Variants in EIF4G3 observed in about 807,000 individuals in gnomAD.
The protein encoded by EIF4G3 is eIF-4-gamma 3.
In EIF4G3, 34 loss-of-function variants were observed where a neutral mutation model predicts 186.4. That is an observed-to-expected ratio of 0.18 (90% CI 0.14 to 0.24). The LOEUF (loss-of-function observed/expected upper bound fraction) is 0.24. Among genes scored for constraint, EIF4G3 ranks in the 10% least tolerant of loss-of-function variants. The pLI, the probability that EIF4G3 is intolerant of heterozygous loss-of-function variation, is 1.00. For synonymous variants in EIF4G3, 673 were observed against 679.5 expected (o/e 0.99, Z 0.15); for missense variants, 1,536 against 1,948.5 (o/e 0.79, Z 3.99).
intron 12 of EIF4G3, among the ~76,000 whole-genome samples, chr1:20,962,012 A>G (rs1447763133): frequency 6.6e-6 from 1 of 152,246 alleles, no homozygotes; most frequent in Non-Finnish European, 1.5e-5. Context: ...TGTTTACATT[A>G]TACTAGGTAT....
At chr1:20,913,413 C>G (rs1009680148) in intron 14 of EIF4G3, among the ~76,000 whole-genome samples, 2 of 152,114 alleles carry the variant, frequency 1.3e-5, no homozygotes, top group Non-Finnish European at 2.9e-5. Flanking sequence ...TGGCATGTGT[C>G]TTTAGTCCTA....
chr1:21,024,139 C>A (rs1295599803), intron 4 of EIF4G3, among the ~76,000 whole-genome samples: 1 of 150,792 alleles, frequency 6.6e-6, no homozygotes, highest in Admixed American at 6.6e-5. Flanking sequence ...CGTCTCCGCC[C>A]GGCAGTCACC....
At chr1:20,968,333 C>T (rs2075149736) in intron 12 of EIF4G3, among the ~76,000 whole-genome samples, 2 of 152,062 alleles carry the variant, frequency 1.3e-5, no homozygotes, top group Non-Finnish European at 2.9e-5. Flanking sequence ...GCATGTGCGA[C>T]CACGCCCAGC....
intron 3 of EIF4G3, among the ~76,000 whole-genome samples, chr1:21,077,916 G>A (rs565165139): frequency 3.3e-5 from 5 of 150,710 alleles, no homozygotes; most frequent in African/African-American, 7.3e-5. Context: ...AGACACTGCC[G>A]AGAAAGCAGA....
chr1:21,141,012 ATAT>A (rs2097328376), intron 2 of EIF4G3, among the ~76,000 whole-genome samples: 1 of 152,226 alleles, frequency 6.6e-6, no homozygotes, highest in African/African-American at 2.4e-5. Context: ...TGAGAAAATT[ATAT>A]TATAATCATT....
intron 14 of EIF4G3, among the ~76,000 whole-genome samples, chr1:20,940,864 G>A (rs921361764): frequency 1.3e-5 from 2 of 151,948 alleles, no homozygotes; most frequent in African/African-American, 4.8e-5. Context: ...AATTTGAACT[G>A]GGAAGAATAT....
chr1:20,964,415 T>C (rs906748810), intron 12 of EIF4G3, among the ~76,000 whole-genome samples: 2 of 152,198 alleles, frequency 1.3e-5, no homozygotes, highest in African/African-American at 4.8e-5. Flanking sequence ...GGAACATGTA[T>C]ATACACATAT....
intron 25 of EIF4G3, 78 bp from the exon 26 acceptor site, chr1:20,855,149 A>T: frequency 4.3e-6 from 5 of 1,175,198 alleles, no homozygotes; most frequent in Non-Finnish European, 6.0e-6. Flanking sequence ...TTTCTTCTTC[A>T]GTGAAGTAGA....
At chr1:20,861,124 T>C (rs2076222081) in intron 23 of EIF4G3, among the ~76,000 whole-genome samples, 1 of 152,236 alleles carries the variant, frequency 6.6e-6, no homozygotes. Context: ...AGTCCCAACA[T>C]CTGATATAAG....
intron 10 of EIF4G3, among the ~76,000 whole-genome samples, chr1:20,973,558 T>C (rs1558509159): frequency 6.6e-6 from 1 of 152,186 alleles, no homozygotes; most frequent in Non-Finnish European, 1.5e-5. Context: ...TCCTTACTCA[T>C]GGGGAACTAC....
chr1:21,156,827 C>T (rs1181314518), intron 2 of EIF4G3, among the ~76,000 whole-genome samples: 2 of 152,148 alleles, frequency 1.3e-5, no homozygotes, highest in Admixed American at 6.6e-5. Context: ...GTTAATCCCG[C>T]ACTTTGGGAG....
chr1:20,891,648 G>A (rs925932100), intron 18 of EIF4G3, among the ~76,000 whole-genome samples: 8 of 150,690 alleles, frequency 5.3e-5, no homozygotes, highest in South Asian at 4.2e-4. Flanking sequence ...TTAGCTGGGC[G>A]TGGTGGCAGG....
At chr1:20,873,081 G>C (rs1031058247) in intron 20 of EIF4G3, among the ~76,000 whole-genome samples, 1 of 152,106 alleles carries the variant, frequency 6.6e-6, no homozygotes, top group Admixed American at 6.6e-5. Flanking sequence ...TAACACTATA[G>C]ACAGGTATCC....
chr1:21,089,111 A>G (rs963335920), intron 3 of EIF4G3, 27 bp downstream of exon 3: 3 of 713,272 alleles, frequency 4.2e-6, no homozygotes, highest in Non-Finnish European at 7.8e-6. Context: ...AAGCACACAC[A>G]CAATTTGACA....
chr1:21,166,534 G>A (rs985214660), intron 2 of EIF4G3, among the ~76,000 whole-genome samples: 5 of 152,064 alleles, frequency 3.3e-5, no homozygotes, highest in Non-Finnish European at 2.9e-5. Context: ...AGGCCAGCCT[G>A]GCCTATTATG....
chr1:20,879,513 A>G lies in EIF4G3; in HGVS notation c.2432T>C (p.Phe811Ser). 1 of 1,427,856 alleles carries G rather than the reference A, an allele frequency of 7.0e-7. No homozygotes were observed. Among genetic ancestry groups the G allele is most frequent in the South Asian group, 1.7e-5 (1 of 58,672 alleles). The allele number at this position is 1,427,856 out of a possible 1,614,324, so 88.4% of individuals were successfully genotyped here. ...ATTTAAGATACTTCGAACTTTTCTA[A>G]AAAGCTCCTAGAAGGGCCACAAAAA... ...DPENIKTQEL[F>S]RKVRSILNKL... Residue 811 changes from phenylalanine to serine, a missense_variant, in exon 20 of 37, where the codon TTT becomes TCT. By Grantham distance (155) the Phe-to-Ser change is radical. Around this residue, in one of 11 missense-constraint regions of EIF4G3, gnomAD observed 139 missense variants for 192.8 expected, o/e 0.72. Coordinates refer to ENST00000602326, the MANE Select transcript of EIF4G3 (RefSeq NM_001391906.1).
chr1:21,028,890 C>A (rs896544789), intron 4 of EIF4G3, among the ~76,000 whole-genome samples: 6 of 152,156 alleles, frequency 3.9e-5, no homozygotes, highest in African/African-American at 1.4e-4. Flanking sequence ...ATTAATAAAT[C>A]ATTAATTTTT....
At chr1:21,024,435 T>C (rs2091686552) in intron 4 of EIF4G3, among the ~76,000 whole-genome samples, 1 of 152,050 alleles carries the variant, frequency 6.6e-6, no homozygotes, top group East Asian at 1.9e-4. Flanking sequence ...AATGGCGGCT[T>C]TGTGGAATAG....
At chr1:20,935,635 T>C (rs1354560543) in intron 14 of EIF4G3, among the ~76,000 whole-genome samples, 1 of 152,252 alleles carries the variant, frequency 6.6e-6, no homozygotes, top group Non-Finnish European at 1.5e-5. Context: ...TAATGTGTAA[T>C]GACCAAATCA....
Sources: gnomAD v4.1 joint callset for allele counts (sites outside exome capture counted in the v4.1 genomes callset) on GRCh38, gnomAD v4.1.1 for gene constraint, gnomAD v4.1.1 regional missense constraint, MANE v1.5 for transcripts, NCBI Gene and HGNC (gene_info 2026-07-23, HGNC 2026-07-21) for gene names.